Variants in PHKB observed in about 807,000 individuals in gnomAD.
PHKB encodes the protein phosphorylase kinase regulatory subunit beta.
Under a neutral mutation model 152.1 loss-of-function variants are expected in PHKB, and 122 were observed. That is an observed-to-expected ratio of 0.80 (90% CI 0.69 to 0.93). The LOEUF (loss-of-function observed/expected upper bound fraction) is 0.93, where lower values mean the gene tolerates loss of function less well. Ranked by LOEUF, PHKB falls within the 40% of genes least tolerant of loss-of-function variation. The pLI is 0.00. For synonymous variants in PHKB, 436 were observed against 464.9 expected, an observed-to-expected ratio of 0.94 and a Z score of 0.80; for missense variants, 1,304 against 1,328.4, an observed-to-expected ratio of 0.98 and a Z score of 0.29.
chr16:47,509,294 A>G (rs774512892), intron 4 of PHKB, among the ~76,000 whole-genome samples: 6 of 152,194 alleles, frequency 3.9e-5, no homozygotes, highest in Non-Finnish European at 8.8e-5. Context: ...TCTCTGAATT[A>G]ACACCAGATG....
Position 47,596,391 on chromosome 16 carries a change from A to C in PHKB, c.1223A>C (p.Lys408Thr), listed in dbSNP as rs746844592. The C allele has an allele frequency of 6.2e-7, 1 of 1,607,710 alleles. No individual in the cohort carries two copies. Residue 408 changes from lysine (K) to threonine (T), a missense_variant, in exon 13 of 31, where the codon AAG becomes ACG. Physicochemically the swap from Lys to Thr is moderately conservative, Grantham distance 78. Coordinates refer to ENST00000323584, the MANE Select transcript of PHKB (RefSeq NM_000293.3). ...HTTEGYPVVP[K>T]YYYVPADFVE... is the part of the protein sequence containing the mutation. ...TCCATAGGATATCCTGTTGTACCAA[A>C]GTACTATTATGTGCCAGCTGACTTT...
intron 1 of PHKB, among the ~76,000 whole-genome samples, chr16:47,478,030 C>G (rs1231553896): frequency 2.6e-5 from 4 of 152,094 alleles, no homozygotes; most frequent in African/African-American, 9.7e-5. Flanking sequence ...CTTCCTAAAT[C>G]TTGCCATCTA....
rs543312582 is a variant in PHKB, at chr16:47,496,623, G to A, written c.77-776G>A. ...ATTTCTGATTGCTTTTAACAAGAAC[G>A]AGAGACAGTACATAGTCTGATGGCT... On this transcript the variant is annotated intron_variant, in intron 1 of 30. Coordinates refer to ENST00000323584, the MANE Select transcript of PHKB (RefSeq NM_000293.3). 2.2e-4 allele frequency among the ~76,000 whole-genome samples: 34 copies of A among 152,336 alleles called. 1 individual carries two copies. In the East Asian group the frequency reaches 5.4e-3, roughly 24 times the overall value.
At chr16:47,608,366 A>G (rs1972365859) in intron 13 of PHKB, among the ~76,000 whole-genome samples, 2 of 152,224 alleles carry the variant, frequency 1.3e-5, no homozygotes, top group African/African-American at 4.8e-5. Context: ...GTGTGAGGAA[A>G]AGGTCCAGCT....
chr16:47,481,644 A>G (rs569672211), intron 1 of PHKB, among the ~76,000 whole-genome samples: 75 of 152,348 alleles, frequency 4.9e-4, no homozygotes, highest in Non-Finnish European at 7.2e-4. Flanking sequence ...GCTGAAGTAG[A>G]TGACAAAATT....
In PHKB at chr16:47,696,385, C is replaced by G; in HGVS notation, c.2900C>G (p.Pro967Arg). 6.3e-7 allele frequency: 1 copy of G among 1,583,468 alleles called. No homozygotes were observed. The highest frequency in any genetic ancestry group is 8.7e-7 in the Non-Finnish European group (1 of 1,152,046). ...ATGTGGAGTTATTTTTTTCAGCAAC[C>G]AACCCTGTCAGATATGACCATGTAT... Reference protein sequence around the residue: ...IVAGKHLPQQPTLSDMTMYEM... With the variant: ...IVAGKHLPQQRTLSDMTMYEM... Residue 967 changes from proline (P) to arginine (R), a missense_variant, in exon 29 of 31, where the codon CCA (proline) becomes CGA (arginine). Coordinates refer to ENST00000323584, the MANE Select transcript of PHKB (RefSeq NM_000293.3).
chr16:47,533,354 C>A (rs2151663271), intron 6 of PHKB, among the ~76,000 whole-genome samples: 1 of 152,286 alleles, frequency 6.6e-6, no homozygotes, highest in East Asian at 1.9e-4. Context: ...CAGCCGCCAG[C>A]CTTCAGGCCC....
chr16:47,592,670 C>T (rs576488368), intron 10 of PHKB, among the ~76,000 whole-genome samples: 1 of 152,308 alleles, frequency 6.6e-6, no homozygotes, highest in East Asian at 1.9e-4. Context: ...TGTTTATTTA[C>T]ATGCTGGCCT....
chr16:47,698,609 T>TC, intron 30 of PHKB, 21 bp downstream of exon 30: 1 of 1,510,286 alleles, frequency 6.6e-7, no homozygotes, highest in Non-Finnish European at 8.9e-7. Flanking sequence ...AGCTTTTTTT[T>TC]TTTTTTTTTT....
intron 5 of PHKB, 63 bp from the exon 6 acceptor site, chr16:47,515,458 G>C: frequency 1.2e-6 from 1 of 800,204 alleles, no homozygotes; most frequent in Non-Finnish European, 2.3e-6. Context: ...AGCCTTAATT[G>C]ATTAATTTTA....
intron 1 of PHKB, among the ~76,000 whole-genome samples, chr16:47,470,104 C>T (rs1220069589): frequency 3.3e-5 from 5 of 152,174 alleles, no homozygotes; most frequent in East Asian, 1.9e-4. Context: ...CCTAACCCAG[C>T]GGCGCTAGAG....
At chr16:47,486,854 G>C (rs1228945931) in intron 1 of PHKB, among the ~76,000 whole-genome samples, 1 of 152,184 alleles carries the variant, frequency 6.6e-6, no homozygotes, top group Non-Finnish European at 1.5e-5. Flanking sequence ...CTGCAACACA[G>C]TCTTCAAAAA....
chr16:47,644,069 T>G (rs1319791631), intron 16 of PHKB, among the ~76,000 whole-genome samples: 1 of 152,116 alleles, frequency 6.6e-6, no homozygotes, highest in Non-Finnish European at 1.5e-5. Context: ...ATACCATGGT[T>G]CAGAAAGTTG....
At chr16:47,646,756 G>T (rs898043515) in intron 16 of PHKB, among the ~76,000 whole-genome samples, 1 of 151,888 alleles carries the variant, frequency 6.6e-6, no homozygotes, top group Non-Finnish European at 1.5e-5. Flanking sequence ...TATTTCTAGA[G>T]GGTGACCAAC....
chr16:47,579,890 CT>C (rs1971813336), intron 7 of PHKB, among the ~76,000 whole-genome samples: 1 of 152,128 alleles, frequency 6.6e-6, no homozygotes, highest in Non-Finnish European at 1.5e-5. Context: ...TTTCTTAAGA[CT>C]CAGATTTGAT....
chr16:47,551,815 T>G (rs1971275573), intron 7 of PHKB, among the ~76,000 whole-genome samples: 1 of 152,230 alleles, frequency 6.6e-6, no homozygotes, highest in Non-Finnish European at 1.5e-5. Flanking sequence ...CAGTCGGGTG[T>G]TAAAGTCTTC....
intron 1 of PHKB, among the ~76,000 whole-genome samples, chr16:47,482,639 T>C (rs1969981637): frequency 6.6e-6 from 1 of 151,306 alleles, no homozygotes; most frequent in Non-Finnish European, 1.5e-5. Context: ...GTATTACTTC[T>C]GTACGACTTG....
chr16:47,593,637 G>C, intron 11 of PHKB, 80 bp downstream of exon 11: 1 of 855,278 alleles, frequency 1.2e-6, no homozygotes, highest in South Asian at 1.4e-5. Flanking sequence ...TTAAAGAAGA[G>C]CAGAAATAAA....
chr16:47,608,860 T>G (rs1240696789), intron 13 of PHKB, among the ~76,000 whole-genome samples: 3 of 152,234 alleles, frequency 2.0e-5, no homozygotes, highest in Non-Finnish European at 4.4e-5. Flanking sequence ...ACCATAGCCT[T>G]TGTCCTTTCC....
Sources: gnomAD v4.1 joint callset for allele counts (sites outside exome capture counted in the v4.1 genomes callset) on GRCh38, gnomAD v4.1.1 for gene constraint, MANE v1.5 for transcripts, NCBI Gene and HGNC (gene_info 2026-07-23, HGNC 2026-07-21) for gene names.